CHST9: variants seen among roughly 807,000 people sequenced by gnomAD.
The protein encoded by CHST9 is carbohydrate sulfotransferase 9, also known as GalNAc-4-sulfotransferase 2.
In CHST9, 41 loss-of-function variants were observed where a neutral mutation model predicts 44.4. That is an observed-to-expected ratio of 0.92 (90% CI 0.72 to 1.20). CHST9 has a LOEUF of 1.20. Among genes scored for constraint, CHST9 ranks in the 50% most tolerant of loss-of-function variants. The pLI is 0.00. For synonymous variants in CHST9, 171 were observed against 178.4 expected (o/e 0.96, Z 0.33); for missense variants, 504 against 516.5 (o/e 0.98, Z 0.23).
At position 26,913,566 on chromosome 18, in the gene CHST9, C is replaced by T. The variant is rs1158038953; in HGVS notation, c.*2693G>A. The T allele has an allele frequency of 6.6e-6, 1 of 152,158 alleles. No homozygotes were observed. Among genetic ancestry groups the T allele is most frequent in the African/African-American group, 2.4e-5 (1 of 41,436 alleles). The allele number at this position is 152,158 out of a possible 1,614,324, so 9.4% of individuals were successfully genotyped here. Reference sequence around the variant, plus strand: ...GGAATAACAGAGCGAAGGGGTCTGCCCATTGTGTTACTGCTGCCTATAAAA... The same window carrying T: ...GGAATAACAGAGCGAAGGGGTCTGCTCATTGTGTTACTGCTGCCTATAAAA... On this transcript the variant is annotated 3_prime_UTR_variant, in exon 6 of 6. Coordinates refer to ENST00000618847, the MANE Select transcript of CHST9 (RefSeq NM_031422.6).
At chr18:27,178,904 G>A (rs1217695502) in intron 1 of CHST9, among the ~76,000 whole-genome samples, 2 of 151,940 alleles carry the variant, frequency 1.3e-5, no homozygotes, top group African/African-American at 4.8e-5. Flanking sequence ...TCCAGTATTG[G>A]ACTAGTGCAG....
chr18:27,134,725 T>C (rs72884366), intron 2 of CHST9, among the ~76,000 whole-genome samples: 10,195 of 152,290 alleles, frequency 0.067, 440 homozygotes, highest in East Asian at 0.14. Context: ...TGCCTTAGCA[T>C]TGCTAAGCCT....
intron 1 of CHST9, among the ~76,000 whole-genome samples, chr18:27,149,599 CTT>C (rs60489244): frequency 1.0e-4 from 15 of 142,948 alleles, no homozygotes; most frequent in African/African-American, 3.6e-4. Flanking sequence ...CTATTTTCAG[CTT>C]TTTTTTTTTT....
chr18:26,971,602 C>A (rs2056543298), intron 4 of CHST9, among the ~76,000 whole-genome samples: 1 of 152,242 alleles, frequency 6.6e-6, no homozygotes, highest in Admixed American at 6.5e-5. Flanking sequence ...CCCAGTGGAG[C>A]AGCTTCCATC....
chr18:27,047,040 T>C (rs2143554504), intron 3 of CHST9, among the ~76,000 whole-genome samples: 1 of 152,172 alleles, frequency 6.6e-6, no homozygotes, highest in Non-Finnish European at 1.5e-5. Context: ...CACTTTGTTT[T>C]GAAAAGAAAC....
At chr18:26,977,587 A>T (rs745988729) in intron 4 of CHST9, among the ~76,000 whole-genome samples, 3 of 152,196 alleles carry the variant, frequency 2.0e-5, no homozygotes, top group Non-Finnish European at 4.4e-5. Context: ...CTAGGGCTAT[A>T]CAGATAGCAA....
At chr18:27,071,661 TC>T (rs2057841516) in intron 2 of CHST9, among the ~76,000 whole-genome samples, 1 of 152,160 alleles carries the variant, frequency 6.6e-6, no homozygotes, top group Non-Finnish European at 1.5e-5. Context: ...TTTGGAGAAA[TC>T]ACTAAAATAT....
At chr18:27,055,809 C>T (rs895159685) in intron 2 of CHST9, among the ~76,000 whole-genome samples, 3 of 152,198 alleles carry the variant, frequency 2.0e-5, no homozygotes, top group East Asian at 1.9e-4. Context: ...AAAAGGAACA[C>T]GGATTTGGAG....
chr18:26,928,760 G>A (rs1040376565), intron 5 of CHST9, among the ~76,000 whole-genome samples: 2 of 152,292 alleles, frequency 1.3e-5, no homozygotes, highest in African/African-American at 2.4e-5. Context: ...TGTGGTTAAA[G>A]GTTTCTGCAG....
At chr18:27,156,699 C>A (rs2058700761) in intron 1 of CHST9, among the ~76,000 whole-genome samples, 1 of 152,066 alleles carries the variant, frequency 6.6e-6, no homozygotes, top group Non-Finnish European at 1.5e-5. Flanking sequence ...TTATGATCTC[C>A]CCACATACTT....
At chr18:26,932,674 T>C (rs2055900425) in intron 5 of CHST9, among the ~76,000 whole-genome samples, 2 of 152,196 alleles carry the variant, frequency 1.3e-5, no homozygotes, top group South Asian at 2.1e-4. Flanking sequence ...TGGTGATTTC[T>C]ACATTGAAGA....
intron 5 of CHST9, among the ~76,000 whole-genome samples, chr18:26,943,530 AAAG>A (rs1197428140): frequency 3.3e-5 from 5 of 152,192 alleles, no homozygotes; most frequent in Non-Finnish European, 5.9e-5. Context: ...TGAAAGGAAA[AAAG>A]AAGGAAGATA....
At chr18:27,150,256 A>T (rs2058649347) in intron 1 of CHST9, among the ~76,000 whole-genome samples, 1 of 152,154 alleles carries the variant, frequency 6.6e-6, no homozygotes, top group African/African-American at 2.4e-5. Context: ...CCAGAGTGAC[A>T]TTGGTACTAG....
chr18:27,121,783 T>C (rs2058376599), intron 2 of CHST9, among the ~76,000 whole-genome samples: 1 of 152,220 alleles, frequency 6.6e-6, no homozygotes, highest in Non-Finnish European at 1.5e-5. Flanking sequence ...CTAGCTATTC[T>C]GAAATCACTC....
At chr18:27,159,784 T>C (rs1598767625) in intron 1 of CHST9, among the ~76,000 whole-genome samples, 2 of 152,230 alleles carry the variant, frequency 1.3e-5, no homozygotes, top group Admixed American at 1.3e-4. Context: ...TTTTATTTCA[T>C]TGAGCAGTGG....
chr18:27,120,282 T>TTATC (rs1377597012), intron 2 of CHST9, among the ~76,000 whole-genome samples: 1 of 152,216 alleles, frequency 6.6e-6, no homozygotes, highest in Admixed American at 6.5e-5. Flanking sequence ...ACGTTACCAC[T>TTATC]TATCCTCTTC....
At chr18:26,977,566 AT>A (rs1290168294) in intron 4 of CHST9, among the ~76,000 whole-genome samples, 1 of 152,222 alleles carries the variant, frequency 6.6e-6, no homozygotes, top group African/African-American at 2.4e-5. Flanking sequence ...TTTGAAAATA[AT>A]CTAAAAGGTC....
chr18:27,127,645 G>A (rs1385670973), intron 2 of CHST9, among the ~76,000 whole-genome samples: 1 of 152,180 alleles, frequency 6.6e-6, no homozygotes, highest in African/African-American at 2.4e-5. Flanking sequence ...TTTGAGTTGT[G>A]CTTTATTTTT....
intron 5 of CHST9, among the ~76,000 whole-genome samples, chr18:26,923,536 G>A (rs900490673): frequency 7.2e-6 from 1 of 138,332 alleles, no homozygotes; most frequent in Non-Finnish European, 1.6e-5. Flanking sequence ...GTTTTATACT[G>A]TTGATAAGTG....
Sources: allele counts gnomAD v4.1 joint callset (sites outside exome capture counted in the v4.1 genomes callset), GRCh38; gene constraint gnomAD v4.1.1; transcripts MANE v1.5; gene names NCBI Gene and HGNC (gene_info 2026-07-23, HGNC 2026-07-21).